Variants in TMEM117 observed in about 807,000 individuals in gnomAD.
The protein encoded by TMEM117 is transmembrane protein 117.
Under a neutral mutation model 52.4 loss-of-function variants are expected in TMEM117, and 27 were observed. That is an observed-to-expected ratio of 0.51 (90% CI 0.38 to 0.71). The LOEUF (loss-of-function observed/expected upper bound fraction) is 0.71, where lower values mean the gene tolerates loss of function less well. Among genes scored for constraint, TMEM117 ranks in the 30% least tolerant of loss-of-function variants. The pLI, the probability that TMEM117 is intolerant of heterozygous loss-of-function variation, is 0.00. For synonymous variants in TMEM117, 215 were observed against 206.3 expected (o/e 1.04, Z -0.36); for missense variants, 556 against 630.5 (o/e 0.88, Z 1.26).
chr12:44,152,852 T>C (rs1432832220), intron 4 of TMEM117, among the ~76,000 whole-genome samples: 1 of 145,262 alleles, frequency 6.9e-6, no homozygotes, highest in Non-Finnish European at 1.5e-5. Context: ...ATAAATACAA[T>C]ATATACATTA....
chr12:44,278,670 A>G (rs1026949661), intron 5 of TMEM117, among the ~76,000 whole-genome samples: 2 of 152,208 alleles, frequency 1.3e-5, no homozygotes, highest in African/African-American at 4.8e-5. Flanking sequence ...TGTAACATTA[A>G]AATAAGTCTT....
At chr12:44,074,781 CAG>C (rs953787770) in intron 3 of TMEM117, among the ~76,000 whole-genome samples, 5 of 152,078 alleles carry the variant, frequency 3.3e-5, no homozygotes, top group Admixed American at 6.6e-5. Flanking sequence ...GCCTCAGAAA[CAG>C]AGAATTTCAG....
chr12:44,201,330 T>C (rs939271247), intron 4 of TMEM117, among the ~76,000 whole-genome samples: 2 of 151,996 alleles, frequency 1.3e-5, no homozygotes, highest in Non-Finnish European at 2.9e-5. Flanking sequence ...ATGAGCAGAA[T>C]TGAAAGCTAA....
upstream of TMEM117, among the ~76,000 whole-genome samples, chr12:43,832,866 G>A (rs1942990744): frequency 6.6e-6 from 1 of 152,178 alleles, no homozygotes; most frequent in Admixed American, 6.5e-5. Context: ...CTATCTCACA[G>A]GTCTTTAATA....
At chr12:43,889,146 G>A (rs1944054896) in intron 2 of TMEM117, among the ~76,000 whole-genome samples, 1 of 150,556 alleles carries the variant, frequency 6.6e-6, no homozygotes, top group South Asian at 2.1e-4. Flanking sequence ...GCAATGGCAT[G>A]ATCTTGGCTC....
intron 3 of TMEM117, among the ~76,000 whole-genome samples, chr12:44,007,447 T>C (rs1946217207): frequency 6.6e-6 from 1 of 152,160 alleles, no homozygotes; most frequent in African/African-American, 2.4e-5. Flanking sequence ...TCTTTCGCTT[T>C]TGAAAAATAA....
chr12:43,900,717 C>A (rs201868289), intron 2 of TMEM117, among the ~76,000 whole-genome samples: 109 of 145,406 alleles, frequency 7.5e-4, no homozygotes, highest in Admixed American at 6.8e-4. Flanking sequence ...GACTTTGTCT[C>A]AAAAAAAAAA....
At chr12:44,327,334 G>A (rs527510039) in intron 6 of TMEM117, among the ~76,000 whole-genome samples, 1 of 152,234 alleles carries the variant, frequency 6.6e-6, no homozygotes, top group Admixed American at 6.5e-5. Context: ...ATAAATAAAA[G>A]GAAAAGAATT....
chr12:43,912,744 A>AT (rs1944534974), intron 2 of TMEM117, among the ~76,000 whole-genome samples: 1 of 151,562 alleles, frequency 6.6e-6, no homozygotes, highest in Non-Finnish European at 1.5e-5. Flanking sequence ...TTTCCATGTG[A>AT]TTTTCAATTA....
chr12:44,311,415 T>G (rs1388869892), intron 6 of TMEM117, among the ~76,000 whole-genome samples: 1 of 152,048 alleles, frequency 6.6e-6, no homozygotes, highest in Non-Finnish European at 1.5e-5. Flanking sequence ...TTGTTTATAA[T>G]CCCTTCCTGG....
intron 2 of TMEM117, among the ~76,000 whole-genome samples, chr12:43,864,662 A>C (rs893119489): frequency 6.6e-6 from 1 of 152,186 alleles, no homozygotes; most frequent in African/African-American, 2.4e-5. Context: ...AAAAGCACCA[A>C]TCAGCACCCT....
intron 3 of TMEM117, among the ~76,000 whole-genome samples, chr12:43,979,438 AG>A (rs1945724343): frequency 1.3e-5 from 2 of 152,154 alleles, no homozygotes; most frequent in Non-Finnish European, 2.9e-5. Flanking sequence ...GACACATGGT[AG>A]GACTGTTTAG....
chr12:44,147,702 A>G (rs534720980), intron 4 of TMEM117, among the ~76,000 whole-genome samples: 1 of 152,220 alleles, frequency 6.6e-6, no homozygotes, highest in South Asian at 2.1e-4. Context: ...TGGGAGGCTG[A>G]GACGGGTGGA....
In TMEM117 at chr12:44,388,549, T is replaced by C. The variant is rs1449396527; in HGVS notation, c.1422T>C (p.Asn474=). 1.9e-6 allele frequency: 3 copies of C among 1,613,430 alleles called. No individual in the cohort carries two copies. Among genetic ancestry groups the C allele is most frequent in the African/African-American group, 2.7e-5 (2 of 74,888 alleles). Residue 474 remains asparagine, a synonymous_variant, in exon 8 of 8, where the codon AAT becomes AAC. Coordinates refer to ENST00000266534, the MANE Select transcript of TMEM117 (RefSeq NM_032256.3). ...PSLVCIRSDF[N]EIVYKSSHLT... is the part of the protein sequence containing the mutation. ...TGGTTTGCATCAGGTCTGACTTCAA[T>C]GAGATCGTCTACAAGTCTTCCCACC...
chr12:43,941,698 T>C (rs1272312823), intron 2 of TMEM117, among the ~76,000 whole-genome samples: 2 of 152,240 alleles, frequency 1.3e-5, no homozygotes, highest in Non-Finnish European at 2.9e-5. Flanking sequence ...ATACTAGTTC[T>C]GGACTTAATA....
chr12:44,253,668 A>G (rs1179442074), intron 5 of TMEM117, among the ~76,000 whole-genome samples: 1 of 152,158 alleles, frequency 6.6e-6, no homozygotes, highest in African/African-American at 2.4e-5. Flanking sequence ...CCATTTTCAC[A>G]TCATAGTGAA....
At chr12:43,869,592 T>C (rs1236582137) in intron 2 of TMEM117, among the ~76,000 whole-genome samples, 1 of 152,226 alleles carries the variant, frequency 6.6e-6, no homozygotes, top group Non-Finnish European at 1.5e-5. Context: ...CTTACTCTCA[T>C]TTTCTCCCTG....
intron 4 of TMEM117, among the ~76,000 whole-genome samples, chr12:44,144,895 C>T (rs866619460): frequency 2.6e-5 from 4 of 152,222 alleles, no homozygotes; most frequent in East Asian, 1.9e-4. Context: ...CGGTGGCTCA[C>T]GCCTGTAATC....
At chr12:44,324,786 C>A (rs1341180718) in intron 6 of TMEM117, among the ~76,000 whole-genome samples, 3 of 152,114 alleles carry the variant, frequency 2.0e-5, no homozygotes, top group African/African-American at 7.2e-5. Flanking sequence ...TTCCCAAGAT[C>A]ATTTTAATGA....
Sources: allele counts gnomAD v4.1 joint callset (sites outside exome capture counted in the v4.1 genomes callset), GRCh38; gene constraint gnomAD v4.1.1; transcripts MANE v1.5; gene names NCBI Gene and HGNC (gene_info 2026-07-23, HGNC 2026-07-21).